The following TCF12 variants were observed in gnomAD, a reference collection of about 807,000 sequenced individuals.
TCF12 encodes DNA-binding protein HTF4.
TCF12 carries 45 observed loss-of-function variants against 86.0 expected under a neutral mutation model. The observed-to-expected ratio is 0.52, with a 90% CI of 0.41 to 0.67. The LOEUF (loss-of-function observed/expected upper bound fraction) is 0.67, where lower values mean the gene tolerates loss of function less well. Ranked by LOEUF, TCF12 falls within the 30% of genes least tolerant of loss-of-function variation. The pLI, the probability that TCF12 is intolerant of heterozygous loss-of-function variation, is 0.00. For synonymous variants in TCF12, 330 were observed against 299.6 expected, an observed-to-expected ratio of 1.10 and a Z score of -1.05; for missense variants, 881 against 859.9, an observed-to-expected ratio of 1.02 and a Z score of -0.31.
At chr15:57,035,978 CA>C (rs1384745412) in intron 3 of TCF12, among the ~76,000 whole-genome samples, 12 of 152,166 alleles carry the variant, frequency 7.9e-5, no homozygotes, top group Non-Finnish European at 1.6e-4. Context: ...CTAGATTGCT[CA>C]CTCCTTATGA....
chr15:57,262,234 A>G (rs773738701), intron 17 of TCF12, 26 bp downstream of exon 17: 3 of 1,467,244 alleles, frequency 2.0e-6, no homozygotes, highest in East Asian at 2.3e-5. Flanking sequence ...GTTTTCAGAA[A>G]TAATGCAGAC....
intron 6 of TCF12, among the ~76,000 whole-genome samples, chr15:57,188,750 G>A (rs1319465235): frequency 3.9e-5 from 6 of 152,158 alleles, no homozygotes; most frequent in African/African-American, 1.4e-4. Context: ...GCAAAAGAAT[G>A]AAGTTGTACT....
At chr15:57,098,552 T>C (rs1314498119) in intron 5 of TCF12, among the ~76,000 whole-genome samples, 1 of 152,200 alleles carries the variant, frequency 6.6e-6, no homozygotes, top group Non-Finnish European at 1.5e-5. Flanking sequence ...CTTTATAGAC[T>C]ATTATTTTAG....
chr15:57,276,000 G>T (rs2061380409), intron 19 of TCF12, among the ~76,000 whole-genome samples: 1 of 152,074 alleles, frequency 6.6e-6, no homozygotes, highest in Non-Finnish European at 1.5e-5. Flanking sequence ...TTGTACCTTT[G>T]CCATTTTTAT....
intron 3 of TCF12, among the ~76,000 whole-genome samples, chr15:56,953,265 A>T (rs2061360886): frequency 6.6e-6 from 1 of 151,520 alleles, no homozygotes; most frequent in East Asian, 1.9e-4. Context: ...TTTATTTAGA[A>T]TTTTTCATGT....
At chr15:57,229,359 C>T (rs1253942065) in intron 8 of TCF12, among the ~76,000 whole-genome samples, 1 of 151,886 alleles carries the variant, frequency 6.6e-6, no homozygotes, top group Admixed American at 6.6e-5. Context: ...ACCATTTTAT[C>T]TGCCATATTC....
rs1597022377 is a variant in TCF12 at position 57,170,538 on chromosome 15, T to A, written c.390+4072T>A. Among the ~76,000 whole-genome samples, 4 of 144,600 alleles carry A rather than the reference T, an allele frequency of 2.8e-5. No individual in the cohort carries two copies. In the Admixed American group the frequency reaches 2.9e-4, roughly 10 times the overall value. The allele number at this position is 144,600 out of a possible 152,430, so 94.9% of individuals were successfully genotyped here. A position where few individuals can be genotyped will look rare whatever the true frequency, so the allele number is the denominator to read the frequency against. Reference sequence around the variant, plus strand: ...ATAATATTAAATTTCTAAATTCATGTGGCCCACATAACAAAAGGTTATTTG... The same window carrying A: ...ATAATATTAAATTTCTAAATTCATGAGGCCCACATAACAAAAGGTTATTTG... On this transcript the variant is annotated intron_variant, in intron 6 of 20. Coordinates refer to ENST00000333725, the MANE Select transcript of TCF12 (RefSeq NM_207037.2).
chr15:56,940,147 A>G (rs2140339921), intron 3 of TCF12, among the ~76,000 whole-genome samples: 2 of 151,972 alleles, frequency 1.3e-5, no homozygotes, highest in East Asian at 3.9e-4. Context: ...ATTTTTTCTA[A>G]AACGACCTTG....
At chr15:57,206,048 T>TA (rs1357901732) in intron 8 of TCF12, among the ~76,000 whole-genome samples, 1 of 152,230 alleles carries the variant, frequency 6.6e-6, no homozygotes, top group East Asian at 1.9e-4. Context: ...GGTAAGATCT[T>TA]AGAGACTTCA....
intron 6 of TCF12, among the ~76,000 whole-genome samples, chr15:57,178,144 T>C (rs1451554868): frequency 6.6e-6 from 1 of 152,142 alleles, no homozygotes; most frequent in Non-Finnish European, 1.5e-5. Context: ...TGATAAGGGA[T>C]TATTGTCAAT....
chr15:56,956,786 T>C (rs1329321628), intron 3 of TCF12, among the ~76,000 whole-genome samples: 1 of 152,220 alleles, frequency 6.6e-6, no homozygotes, highest in East Asian at 1.9e-4. Context: ...TCTTTTTTCT[T>C]ACTGCTTTTA....
intron 6 of TCF12, among the ~76,000 whole-genome samples, chr15:57,170,139 G>A (rs1322769243): frequency 6.6e-6 from 1 of 152,146 alleles, no homozygotes; most frequent in Non-Finnish European, 1.5e-5. Context: ...CTAGCAAGTG[G>A]TAAACTTAAA....
At chr15:57,030,359 C>A (rs1356484851) in intron 3 of TCF12, among the ~76,000 whole-genome samples, 1 of 152,176 alleles carries the variant, frequency 6.6e-6, no homozygotes, top group Non-Finnish European at 1.5e-5. Context: ...CCACCCCAGC[C>A]TCCTGAGTAG....
At chr15:57,010,934 G>C (rs2064793819) in intron 3 of TCF12, among the ~76,000 whole-genome samples, 1 of 152,124 alleles carries the variant, frequency 6.6e-6, no homozygotes, top group Admixed American at 6.5e-5. Flanking sequence ...TGGACAGGTA[G>C]AACTGAACTT....
At chr15:57,209,237 G>C (rs756569193) in intron 8 of TCF12, among the ~76,000 whole-genome samples, 6 of 152,046 alleles carry the variant, frequency 3.9e-5, no homozygotes, top group Non-Finnish European at 1.5e-5. Context: ...GGCCTTCTTT[G>C]TATAAGAAAC....
intron 3 of TCF12, among the ~76,000 whole-genome samples, chr15:57,022,946 T>G (rs575618090): frequency 6.6e-6 from 1 of 152,312 alleles, no homozygotes; most frequent in African/African-American, 2.4e-5. Flanking sequence ...GGTTACTATT[T>G]CTAGCTTACA....
At chr15:57,081,785 T>A (rs1301927635) in intron 4 of TCF12, among the ~76,000 whole-genome samples, 1 of 152,130 alleles carries the variant, frequency 6.6e-6, no homozygotes, top group Non-Finnish European at 1.5e-5. Flanking sequence ...GCCAGGCTGG[T>A]CTCGAACTCC....
At chr15:57,078,505 C>T (rs911573045) in intron 4 of TCF12, among the ~76,000 whole-genome samples, 1 of 152,094 alleles carries the variant, frequency 6.6e-6, no homozygotes, top group African/African-American at 2.4e-5. Context: ...ACTGTAAGCT[C>T]CTTGAAGGCA....
intron 18 of TCF12, among the ~76,000 whole-genome samples, chr15:57,264,194 G>GGTTTTTTTTTTTTTTTTTTTTT (rs1567013145): frequency 6.5e-5 from 1 of 15,458 alleles, no homozygotes; most frequent in Admixed American, 8.8e-4. Flanking sequence ...TCTTTTGTAA[G>GGTTTTTTTTTTTTTTTTTTTTT]CTTTTTTTTT....
Sources: allele counts gnomAD v4.1 joint callset (sites outside exome capture counted in the v4.1 genomes callset), GRCh38; gene constraint gnomAD v4.1.1; transcripts MANE v1.5; gene names NCBI Gene and HGNC (gene_info 2026-07-23, HGNC 2026-07-21).